The following LARP1 variants were observed in gnomAD, a reference collection of about 807,000 sequenced individuals.
LARP1 encodes the protein la-related protein 1.
Under a neutral mutation model 122.7 loss-of-function variants are expected in LARP1, and 36 were observed. That is an observed-to-expected ratio of 0.29 (90% CI 0.22 to 0.39). The LOEUF (loss-of-function observed/expected upper bound fraction) is 0.39. Ranked by LOEUF, LARP1 falls within the 10% of genes least tolerant of loss-of-function variation. LARP1 has a pLI of 1.00. For missense variants in LARP1, 1,040 were observed against 1,403.6 expected (o/e 0.74, Z 4.14); for synonymous variants, 539 against 528.7 (o/e 1.02, Z -0.27).
intron 1 of LARP1, among the ~76,000 whole-genome samples, chr5:154,738,558 C>T (rs1305601581): frequency 6.6e-6 from 1 of 152,102 alleles, no homozygotes; most frequent in Non-Finnish European, 1.5e-5. Context: ...GGCCACCGCA[C>T]TCCAGACTGG....
chr5:154,764,392 G>T (rs895972604), intron 1 of LARP1, among the ~76,000 whole-genome samples: 2 of 149,290 alleles, frequency 1.3e-5, no homozygotes, highest in Non-Finnish European at 3.0e-5. Context: ...TCACTTGAGC[G>T]CAGGAGTTCA....
upstream of LARP1, among the ~76,000 whole-genome samples, chr5:154,755,311 C>T (rs1405244793): frequency 1.3e-5 from 2 of 148,682 alleles, no homozygotes; most frequent in East Asian, 2.0e-4. Flanking sequence ...TCGTGAGGCG[C>T]GCGCCCGCCC....
intron 18 of LARP1, among the ~76,000 whole-genome samples, chr5:154,812,764 T>C (rs1759386419): frequency 6.6e-6 from 1 of 152,060 alleles, no homozygotes; most frequent in Admixed American, 6.5e-5. Flanking sequence ...GTGATCCACC[T>C]GCTTGGCCTC....
At chr5:154,724,897 G>C (rs1582212020) in intron 1 of LARP1, among the ~76,000 whole-genome samples, 2 of 152,042 alleles carry the variant, frequency 1.3e-5, no homozygotes, top group Non-Finnish European at 2.9e-5. Flanking sequence ...AAACTCCTGA[G>C]CTCAAGTGAT....
chr5:154,732,184 CAAAACAA>C (rs1158977571), intron 1 of LARP1, among the ~76,000 whole-genome samples: 29 of 22,496 alleles, frequency 1.3e-3, no homozygotes, highest in Admixed American at 4.7e-3. Flanking sequence ...CAAAACAAAA[CAAAACAA>C]AAAAAAAAAA....
intron 4 of LARP1, among the ~76,000 whole-genome samples, chr5:154,793,029 A>G (rs905301245): frequency 2.6e-5 from 4 of 152,236 alleles, no homozygotes; most frequent in African/African-American, 7.2e-5. Flanking sequence ...TAGAGTAACC[A>G]TGGTTTAAAC....
chr5:154,705,877 A>G (rs1394581225), intron 1 of LARP1: 1 of 152,234 alleles, frequency 6.6e-6, no homozygotes, highest in African/African-American at 2.4e-5. Flanking sequence ...CTATATATCA[A>G]AAACAAAATA....
intron 1 of LARP1, among the ~76,000 whole-genome samples, chr5:154,757,589 T>G (rs1295416798): frequency 6.6e-6 from 1 of 152,030 alleles, no homozygotes; most frequent in African/African-American, 2.4e-5. Context: ...CTAACTGGTT[T>G]AAACCATCAA....
intron 1 of LARP1, among the ~76,000 whole-genome samples, chr5:154,725,401 A>C (rs1756145975): frequency 6.6e-6 from 1 of 150,836 alleles, no homozygotes; most frequent in South Asian, 2.1e-4. Flanking sequence ...AAAAAAAAAA[A>C]AAAAAAGGTG....
At chr5:154,784,342 CTTGAGGTCT>C (rs920798809) in intron 1 of LARP1, among the ~76,000 whole-genome samples, 1 of 152,178 alleles carries the variant, frequency 6.6e-6, no homozygotes, top group Admixed American at 6.5e-5. Flanking sequence ...CTTCACCACA[CTTGAGGTCT>C]GGGAGGTCTA....
At chr5:154,745,493 C>T (rs759691312) in intron 1 of LARP1, among the ~76,000 whole-genome samples, 6 of 152,124 alleles carry the variant, frequency 3.9e-5, no homozygotes, top group Non-Finnish European at 7.3e-5. Flanking sequence ...TAATTCAATC[C>T]CTACAATAAT....
intron 1 of LARP1, among the ~76,000 whole-genome samples, chr5:154,692,559 C>CA (rs1754273525): frequency 6.6e-6 from 1 of 152,200 alleles, no homozygotes; most frequent in South Asian, 2.1e-4. Context: ...TTCTCTTCCC[C>CA]ACCCTGTAGG....
Position 154,805,883 on chromosome 5 carries a change from C to T in LARP1, c.2549C>T (p.Ser850Phe), listed in dbSNP as rs781678014. Residue 850 changes from serine (S) to phenylalanine (F), a missense_variant and splice_region_variant, in exon 15 of 19, where the codon TCC (serine) becomes TTC (phenylalanine). This residue lies in a region of LARP1 where 26 missense variants were observed against 27.5 expected (regional missense o/e 0.94). Coordinates refer to ENST00000518297, the MANE Select transcript of LARP1 (RefSeq NM_033551.3). ...AGTATTTTTTGTGGTTTCTGTAGCT[C>T]CAGCCCCTCAGAAGGGACGCCTACA... ...EHRPRTASIS[S>F]SPSEGTPTVG... 6.2e-7 allele frequency: 1 copy of T among 1,613,382 alleles called. No individual in the cohort carries two copies. The highest frequency in any genetic ancestry group is 1.1e-5 in the South Asian group (1 of 91,004).
Position 154,804,324 on chromosome 5 carries a change from G to A in LARP1, c.2546+17G>A. 1 of 1,587,568 alleles carries A rather than the reference G, an allele frequency of 6.3e-7. No individual in the cohort carries two copies. The highest frequency in any genetic ancestry group is 8.7e-7 in the Non-Finnish European group (1 of 1,155,954). ...TTCCATCAGGTACCTGGGGCAGTGG[G>A]GGAAGAGTGATCAGGCTGCCTATGG... On this transcript the variant is annotated intron_variant, in intron 14 of 18. Transcript: ENST00000518297.
rs891117495 is a variant in LARP1, at chr5:154,803,484, G to A, written c.2234-56G>A. ...GGGCCCTTGGACTGGGGGCTATCCT[G>A]GGGTGGATGCCACAGGCCTTTCCCT... On this transcript the variant is annotated intron_variant, in intron 12 of 18. Coordinates refer to ENST00000518297, the MANE Select transcript of LARP1 (RefSeq NM_033551.3). This position sits in a 1 kb window ranked among gnomAD's most constrained non-coding sequence, Gnocchi z 4.4. 10 of 1,613,792 alleles carry A rather than the reference G, an allele frequency of 6.2e-6. No homozygotes were observed. The African/African-American group carries it at 9.4e-5, about 15-fold the overall frequency.
At chr5:154,753,078 C>T (rs1753589082), upstream of LARP1, among the ~76,000 whole-genome samples, 1 of 152,182 alleles carries the variant, frequency 6.6e-6, no homozygotes, top group South Asian at 2.1e-4. Flanking sequence ...GCTTGTTCAA[C>T]CCTGTTTCTG....
chr5:154,794,301 T>C (rs1757576877), intron 7 of LARP1, 39 bp downstream of exon 7: 1 of 1,602,132 alleles, frequency 6.2e-7, no homozygotes, highest in African/African-American at 1.3e-5. Flanking sequence ...GAGAAATGAG[T>C]GAGAGGTTAG....
intron 1 of LARP1, among the ~76,000 whole-genome samples, chr5:154,691,473 C>T (rs7721183): frequency 0.76 from 115,410 of 152,080 alleles, 44,291 homozygotes; most frequent in African/African-American, 0.88. Context: ...TTCGGGGTGC[C>T]GGGAAGCACG....
At chr5:154,728,301 T>C (rs907867598) in intron 1 of LARP1, among the ~76,000 whole-genome samples, 1 of 152,178 alleles carries the variant, frequency 6.6e-6, no homozygotes, top group African/African-American at 2.4e-5. Flanking sequence ...GCAACAATTC[T>C]TCCCATTCGT....
Sources: allele counts gnomAD v4.1 joint callset (sites outside exome capture counted in the v4.1 genomes callset), GRCh38; gene constraint gnomAD v4.1.1; regional missense constraint gnomAD v4.1.1; non-coding constraint Gnocchi (gnomAD v3.1); transcripts MANE v1.5; gene names NCBI Gene and HGNC (gene_info 2026-07-23, HGNC 2026-07-21).